RBM47: variants seen among roughly 807,000 people sequenced by gnomAD.
RBM47 encodes RNA binding motif protein 47.
In RBM47, 21 loss-of-function variants were observed where a neutral mutation model predicts 47.1. That is an observed-to-expected ratio of 0.45 (90% CI 0.32 to 0.64). The LOEUF (loss-of-function observed/expected upper bound fraction) is 0.64. RBM47 is among the 30% of genes least tolerant of loss of function. The pLI, the probability that RBM47 is intolerant of heterozygous loss-of-function variation, is 0.05. For synonymous variants in RBM47, 375 were observed against 361.7 expected, an observed-to-expected ratio of 1.04 and a Z score of -0.42; for missense variants, 708 against 870.9, an observed-to-expected ratio of 0.81 and a Z score of 2.35.
At chr4:40,630,016 T>C (rs1738095601), upstream of RBM47, 2 of 152,488 alleles carry the variant, frequency 1.3e-5, no homozygotes, top group Admixed American at 1.3e-4. Context: ...CAACTTCCCG[T>C]AAATCTGCCC....
intron 2 of RBM47, among the ~76,000 whole-genome samples, chr4:40,538,046 T>A (rs404674): frequency 0.35 from 53,008 of 151,798 alleles, 10,534 homozygotes; most frequent in African/African-American, 0.54. Flanking sequence ...GTCTGCATCA[T>A]AGTGGTAATT....
chr4:40,576,096 A>T (rs1449269070), intron 1 of RBM47, among the ~76,000 whole-genome samples: 1 of 152,208 alleles, frequency 6.6e-6, no homozygotes, highest in African/African-American at 2.4e-5. Flanking sequence ...GCTTGCTAAG[A>T]GGCATCTTTC....
chr4:40,620,985 A>G (rs771126047), intron 1 of RBM47, among the ~76,000 whole-genome samples: 5 of 150,244 alleles, frequency 3.3e-5, no homozygotes, highest in Non-Finnish European at 7.4e-5. Context: ...ATGTCTTCCA[A>G]ATCAATTTAG....
chr4:40,560,356 G>C (rs1730491273), intron 1 of RBM47, among the ~76,000 whole-genome samples: 1 of 152,216 alleles, frequency 6.6e-6, no homozygotes, highest in Non-Finnish European at 1.5e-5. Context: ...ACAGGTGTTT[G>C]AGGAATGAGC....
At chr4:40,437,090 A>AAAAAAAAAAAAAAAAAT (rs1256296949) in intron 4 of RBM47, among the ~76,000 whole-genome samples, 2 of 49,798 alleles carry the variant, frequency 4.0e-5, no homozygotes, top group African/African-American at 1.1e-4. Flanking sequence ...AAAAAAAAAA[A>AAAAAAAAAAAAAAAAAT]ATATATATAT....
In RBM47 at chr4:40,455,076, A is replaced by G. The variant is rs553377141; in HGVS notation, c.-32+11501T>C. Among the ~76,000 whole-genome samples, 101 of 152,212 alleles carry G rather than the reference A, an allele frequency of 6.6e-4. 1 individual carries two copies. The highest frequency in any genetic ancestry group is 8.5e-4 in the Non-Finnish European group (58 of 68,006). ...GAAATCATTACTTTCTACCATCCCC[A>G]TCGCTTCCCCTCTGCACTCTCCCCA... On this transcript the variant is annotated intron_variant, in intron 3 of 6. Transcript: ENST00000295971.
intron 2 of RBM47, among the ~76,000 whole-genome samples, chr4:40,516,503 G>T: frequency 6.6e-6 from 1 of 151,626 alleles, no homozygotes; most frequent in Non-Finnish European, 1.5e-5. Flanking sequence ...CAGGTGATCC[G>T]CCCGCCTTGG....
intron 2 of RBM47, among the ~76,000 whole-genome samples, chr4:40,477,560 T>C (rs1203103642): frequency 7.2e-5 from 11 of 152,214 alleles, no homozygotes; most frequent in Admixed American, 6.5e-4. Flanking sequence ...GAAAAAGTTC[T>C]GGCATGTTTT....
chr4:40,570,531 A>G (rs1327218246), intron 1 of RBM47, among the ~76,000 whole-genome samples: 1 of 151,986 alleles, frequency 6.6e-6, no homozygotes, highest in African/African-American at 2.4e-5. Context: ...GTAAATACAG[A>G]TGAAGCTGTG....
chr4:40,437,510 G>C (rs373649961), intron 4 of RBM47, among the ~76,000 whole-genome samples: 1 of 152,112 alleles, frequency 6.6e-6, no homozygotes, highest in Non-Finnish European at 1.5e-5. Flanking sequence ...GGTGGACCTC[G>C]GCAAGGAAGA....
At chr4:40,433,519 T>C (rs553562892) in intron 5 of RBM47, among the ~76,000 whole-genome samples, 2 of 152,334 alleles carry the variant, frequency 1.3e-5, no homozygotes, top group East Asian at 3.9e-4. Flanking sequence ...CCTCTGACTA[T>C]GGGAAAACAG....
chr4:40,517,282 G>A (rs1174926755), intron 2 of RBM47, among the ~76,000 whole-genome samples: 1 of 152,086 alleles, frequency 6.6e-6, no homozygotes, highest in Admixed American at 6.6e-5. Context: ...TTATAGTCAT[G>A]CACCACCACA....
At chr4:40,540,692 T>C (rs1728445648) in intron 2 of RBM47, among the ~76,000 whole-genome samples, 1 of 147,884 alleles carries the variant, frequency 6.8e-6, no homozygotes, top group Non-Finnish European at 1.5e-5. Flanking sequence ...TGGGGAATAA[T>C]GGGGAAAAAA....
Position 40,426,081 on chromosome 4 carries a change from C to G in RBM47, c.1605G>C (p.Gly535=), listed in dbSNP as rs377245664. The change falls in exon 7 of 7, where the codon GGG becomes GGC. Residue 535 remains glycine (G), a synonymous_variant. Transcript: ENST00000295971. ...ATGGCACGTAACTGGCCCCGTAGAT[C>G]CCGGCAGTAGGAATTCTCTGAACGT... ...APNVQRIPTA[G]IYGASYVPFA... is the part of the protein sequence containing the mutation. The G allele has an allele frequency of 3.1e-6, 5 of 1,614,080 alleles. No individual in the cohort carries two copies. Among genetic ancestry groups the G allele is most frequent in the Middle Eastern group, 1.6e-4 (1 of 6,082 alleles).
rs573395471 is a variant in RBM47, at chr4:40,502,515, G to A, written c.-154-35816C>T. 9.9e-5 allele frequency among the ~76,000 whole-genome samples: 15 copies of A among 152,282 alleles called. No individual in the cohort carries two copies. In the South Asian group the frequency reaches 1.7e-3, roughly 17 times the overall value. ...GAGGAAGAGAGGCCAATGAGTGCTC[G>A]TGAATCAGTAAGACTCCAACGACAC... is the stretch of plus-strand genomic sequence containing the variant. On this transcript the variant is annotated intron_variant, in intron 2 of 6. Transcript: ENST00000295971.
At chr4:40,539,739 C>CAAAAAAAAA (rs56005602) in intron 2 of RBM47, among the ~76,000 whole-genome samples, 3 of 56,330 alleles carry the variant, frequency 5.3e-5, no homozygotes, top group African/African-American at 2.1e-4. Context: ...GACTCTGTCT[C>CAAAAAAAAA]AAAAAAAAAA....
At chr4:40,526,817 T>TG (rs1553896365) in intron 2 of RBM47, among the ~76,000 whole-genome samples, 5 of 94,842 alleles carry the variant, frequency 5.3e-5, no homozygotes, top group African/African-American at 1.7e-4. Flanking sequence ...TTTTTTTTTT[T>TG]GCAACCTTTT....
intron 1 of RBM47, among the ~76,000 whole-genome samples, chr4:40,556,895 A>T (rs986461019): frequency 1.6e-4 from 24 of 150,380 alleles, no homozygotes; most frequent in Admixed American, 1.1e-3. Context: ...GTCTCAAAAA[A>T]ATATATATAT....
intron 6 of RBM47, among the ~76,000 whole-genome samples, chr4:40,430,493 G>GT (rs1715812874): frequency 1.3e-5 from 2 of 152,356 alleles, no homozygotes; most frequent in Admixed American, 1.3e-4. Context: ...ATACTTAGTT[G>GT]TTATTCTACA....
Sources: allele counts gnomAD v4.1 joint callset (sites outside exome capture counted in the v4.1 genomes callset), GRCh38; gene constraint gnomAD v4.1.1; transcripts MANE v1.5; gene names NCBI Gene and HGNC (gene_info 2026-07-23, HGNC 2026-07-21).